The following AIRE variants were observed in gnomAD, a reference collection of about 807,000 sequenced individuals.
The protein encoded by AIRE is autoimmune regulator.
AIRE carries 52 observed loss-of-function variants against 62.1 expected under a neutral mutation model. The ratio of observed to expected loss-of-function variants is 0.84; its 90% confidence interval spans 0.67 to 1.06. The LOEUF is 1.06. Ranked by LOEUF, AIRE falls within the 50% of genes least tolerant of loss-of-function variation. The pLI is 0.00. For missense variants in AIRE, 774 were observed against 755.8 expected, an observed-to-expected ratio of 1.02 and a Z score of -0.28; for synonymous variants, 342 against 321.6, an observed-to-expected ratio of 1.06 and a Z score of -0.68.
chr21:44,298,040 G>A lies in AIRE; in HGVS notation c.*313G>A. On this transcript the variant is annotated 3_prime_UTR_variant, in exon 14 of 14. Coordinates refer to ENST00000291582, the MANE Select transcript of AIRE (RefSeq NM_000383.4). Reference sequence around the variant, plus strand: ...CCAGCTACATGGGAGCCTGAGGCATGAGAATCACTTGAACTCGGGAGGTGG... The same window carrying A: ...CCAGCTACATGGGAGCCTGAGGCATAAGAATCACTTGAACTCGGGAGGTGG... The A allele has an allele frequency of 5.1e-6, 2 of 393,602 alleles. No homozygotes were observed. The highest frequency in any genetic ancestry group is 9.7e-6 in the Non-Finnish European group (2 of 206,860). The allele number at this position is 393,602 out of a possible 1,614,324, so 24.4% of individuals were successfully genotyped here.
At position 44,295,272 on chromosome 21, in the gene AIRE, C is replaced by G. The variant is rs897116319; in HGVS notation, c.1503+769C>G. 5.3e-5 allele frequency among the ~76,000 whole-genome samples: 8 copies of G among 152,312 alleles called. No homozygotes were observed. In the East Asian group the frequency reaches 7.7e-4, roughly 15 times the overall value. On this transcript the variant is annotated intron_variant, in intron 12 of 13. Transcript: ENST00000291582. ...ATACACCGTGTGGGTGACAGGCCACCCCGGCGTGGTACTCCCCAGGAGGGT... is the reference window on the plus strand; with the variant it reads ...ATACACCGTGTGGGTGACAGGCCACGCCGGCGTGGTACTCCCCAGGAGGGT...
Position 44,289,981 on chromosome 21 carries a change from C to A in AIRE, c.799-7C>A. On this transcript the variant is annotated splice_region_variant and splice_polypyrimidine_tract_variant and intron_variant, in intron 6 of 13. Transcript: ENST00000291582. ...GCCCCCATTGCTGACGCCCCTCTTC[C>A]TTGCAGGGTGGAGGTGAGGCTAGGC... The A allele has an allele frequency of 6.2e-7, 1 of 1,610,680 alleles. No individual in the cohort carries two copies.
chr21:44,298,293 C>T lies in AIRE; in HGVS notation c.*566C>T, dbSNP rs1568932504. The T allele has an allele frequency of 1.1e-5, 2 of 177,320 alleles. No homozygotes were observed. The highest frequency in any genetic ancestry group is 2.3e-4 in the South Asian group (2 of 8,888). 11.0% of individuals were successfully genotyped at this position (177,320 alleles called of 1,614,324 possible). A position where few individuals can be genotyped will look rare whatever the true frequency, so the allele number is the denominator to read the frequency against. ...CTCTGGCCCCATGAAACACTCACTC[C>T]CCATTCCCCTCCCAACCCCTGGCAC... On this transcript the variant is annotated 3_prime_UTR_variant, in exon 14 of 14. Coordinates refer to ENST00000291582, the MANE Select transcript of AIRE (RefSeq NM_000383.4).
At chr21:44,290,283 T>C in intron 7 of AIRE, 1 of 985,470 alleles carries the variant, frequency 1.0e-6, no homozygotes, top group African/African-American at 1.7e-5. Context: ...TGAGGTCTTC[T>C]CAGGCTCTTA....
At chr21:44,288,575 T>C in intron 5 of AIRE, 117 bp downstream of exon 5, 1 of 734,858 alleles carries the variant, frequency 1.4e-6, no homozygotes. Flanking sequence ...GTTGCTCAGG[T>C]AGCCAGAGTT....
Position 44,286,119 on chromosome 21 carries a change from TC to T in AIRE, c.117del (p.Glu40ArgfsTer10), listed in dbSNP as rs1248788128. 1.9e-6 allele frequency: 3 copies of T among 1,546,940 alleles called. No individual in the cohort carries two copies. The highest frequency in any genetic ancestry group is 2.0e-5 in the Admixed American group (1 of 50,940). ...CACGCGCTGGCTGACCACGACGTGG[TC>T]CCCGAGGACAAGTTTCAGGTGGGCT... ...LLHALADHDV[V>X]PEDKFQETLH... On this transcript the variant is annotated frameshift_variant, in exon 1 of 14. Transcript: ENST00000291582. LOFTEE classifies it high-confidence loss of function. The surrounding 1 kb of genome is among the most constrained non-coding windows in gnomAD (Gnocchi z 6.0).
chr21:44,293,208 T>C, intron 10 of AIRE, 33 bp downstream of exon 10: 2 of 1,520,268 alleles, frequency 1.3e-6, no homozygotes, highest in South Asian at 2.4e-5. Context: ...GGTGGGCTCT[T>C]CAAGGAGCCC....
In AIRE at chr21:44,295,244, C is replaced by T. The variant is rs150352051; in HGVS notation, c.1503+741C>T. ...CTCTTTCCCAGCTGTGCCTCCGCCC[C>T]GTATACACCGTGTGGGTGACAGGCC... On this transcript the variant is annotated intron_variant, in intron 12 of 13. Coordinates refer to ENST00000291582, the MANE Select transcript of AIRE (RefSeq NM_000383.4). 4.0e-3 allele frequency among the ~76,000 whole-genome samples: 608 copies of T among 152,324 alleles called. 4 individuals carry two copies. The highest frequency in any genetic ancestry group is 0.014 in the Middle Eastern group (4 of 294).
rs755023009 is a variant in AIRE at position 44,297,753 on chromosome 21, C to G, written c.*26C>G. ...CCCCAGATGGCCGGGACATGCAGCT[C>G]TGATGAGAGAGTGCTGAGAAGGACA... On this transcript the variant is annotated 3_prime_UTR_variant, in exon 14 of 14. Coordinates refer to ENST00000291582, the MANE Select transcript of AIRE (RefSeq NM_000383.4). This position sits in a 1 kb window ranked among gnomAD's most constrained non-coding sequence, Gnocchi z 4.8. 32 of 1,594,106 alleles carry G rather than the reference C, an allele frequency of 2.0e-5. No individual in the cohort carries two copies. The highest frequency in any genetic ancestry group is 2.7e-5 in the Non-Finnish European group (31 of 1,163,540).
In AIRE at chr21:44,297,089, G is replaced by T. The variant is rs1299916312; in HGVS notation, c.1567-567G>T. On this transcript the variant is annotated intron_variant, in intron 13 of 13. Transcript: ENST00000291582. This position sits in a 1 kb window ranked among gnomAD's most constrained non-coding sequence, Gnocchi z 4.8. ...GTGCCCCACACACCCTGACCGTGCA[G>T]GTGTCTGCAGAGCCCCAGGGCCTGA... is the stretch of plus-strand genomic sequence containing the variant. Among the ~76,000 whole-genome samples, 1 of 152,210 alleles carries T rather than the reference G, an allele frequency of 6.6e-6. No individual in the cohort carries two copies. Among genetic ancestry groups the T allele is most frequent in the Non-Finnish European group, 1.5e-5 (1 of 68,018 alleles).
At position 44,286,155 on chromosome 21, in the gene AIRE, C is replaced by T. The variant is rs1234416509; in HGVS notation, c.132+17C>T. Reference sequence around the variant, plus strand: ...AAGTTTCAGGTGGGCTCCCCGCCCGCCCCCCGCTGCCCCCAGGCCCTGTGA... The same window carrying T: ...AAGTTTCAGGTGGGCTCCCCGCCCGTCCCCCGCTGCCCCCAGGCCCTGTGA... On this transcript the variant is annotated intron_variant, in intron 1 of 13. Coordinates refer to ENST00000291582, the MANE Select transcript of AIRE (RefSeq NM_000383.4). This position sits in a 1 kb window ranked among gnomAD's most constrained non-coding sequence, Gnocchi z 6.0. 8 of 1,538,390 alleles carry T rather than the reference C, an allele frequency of 5.2e-6. No homozygotes were observed. The highest frequency in any genetic ancestry group is 7.0e-6 in the Non-Finnish European group (8 of 1,141,572).
rs1601973101 is a variant in AIRE, at chr21:44,297,655, G to A, written c.1567-1G>A. ...GTTCTCACCGTCACTCTGTCCCGCA[G>A]CACACCTTCGATGGCATCCTGCAGT... On this transcript the variant is annotated splice_acceptor_variant, in intron 13 of 13. Transcript: ENST00000291582. LOFTEE classifies it high-confidence loss of function. The surrounding 1 kb of genome is among the most constrained non-coding windows in gnomAD (Gnocchi z 4.8). 6.2e-7 allele frequency: 1 copy of A among 1,611,660 alleles called. No individual in the cohort carries two copies. The highest frequency in any genetic ancestry group is 8.5e-7 in the Non-Finnish European group (1 of 1,179,454).
Position 44,286,526 on chromosome 21 carries a change from T to C in AIRE, c.133-31T>C. 1.9e-6 allele frequency: 3 copies of C among 1,596,850 alleles called. No individual in the cohort carries two copies. Among genetic ancestry groups the C allele is most frequent in the South Asian group, 1.1e-5 (1 of 89,928 alleles). On this transcript the variant is annotated intron_variant, in intron 1 of 13. Transcript: ENST00000291582. This position sits in a 1 kb window ranked among gnomAD's most constrained non-coding sequence, Gnocchi z 6.0. ...GCAGGCCGCAGGGTGTGGGGGACCA[T>C]GGCAGGGACCCTCATGCCACCCCAC...
In AIRE at chr21:44,288,366, C is replaced by T. The variant is rs143952576; in HGVS notation, c.560C>T (p.Ser187Leu). 1.9e-4 allele frequency: 307 copies of T among 1,611,676 alleles called. No homozygotes were observed. The highest frequency in any genetic ancestry group is 2.4e-4 in the Non-Finnish European group (278 of 1,178,802). The change falls in exon 5 of 14, where the codon TCA becomes TTA. Residue 187 changes from serine to leucine, a missense_variant. Coordinates refer to ENST00000291582, the MANE Select transcript of AIRE (RefSeq NM_000383.4). ...LGNGIQTMSA[S>L]VQRAVAMSSG... ...CCAGGGATTCAGACCATGTCAGCTT[C>T]AGTCCAGAGAGCTGTGGCCATGTCC...
chr21:44,286,196 C>T lies in AIRE; in HGVS notation c.132+58C>T, dbSNP rs1783490151. ...GGCCCTGTGAGCCAGGGATAGTCCC[C>T]GGGGAAGTTCCAGGAGGACCCCGCC... is the stretch of plus-strand genomic sequence containing the variant. On this transcript the variant is annotated intron_variant, in intron 1 of 13. Coordinates refer to ENST00000291582, the MANE Select transcript of AIRE (RefSeq NM_000383.4). The surrounding 1 kb of genome is among the most constrained non-coding windows in gnomAD (Gnocchi z 6.0). The T allele has an allele frequency of 1.4e-5, 21 of 1,521,330 alleles. No individual in the cohort carries two copies. The highest frequency in any genetic ancestry group is 1.7e-5 in the Non-Finnish European group (19 of 1,129,446). 94.2% of individuals were successfully genotyped at this position (1,521,330 alleles called of 1,614,324 possible).
Position 44,289,801 on chromosome 21 carries a change from C to T in AIRE, c.797C>T (p.Pro266Leu), listed in dbSNP as rs768948581. 1 of 1,612,592 alleles carries T rather than the reference C, an allele frequency of 6.2e-7. No individual in the cohort carries two copies. The highest frequency in any genetic ancestry group is 8.5e-7 in the Non-Finnish European group (1 of 1,179,946). Residue 266 changes from proline to leucine, a missense_variant and splice_region_variant, in exon 6 of 14, where the codon CCC becomes CTC. Around this residue, in one of 3 missense-constraint regions of AIRE, gnomAD observed 385 missense variants for 396.0 expected, o/e 0.97. Transcript: ENST00000291582. The stretch of plus-strand genomic sequence containing the variant: ...GCCAAGGGAGCCCAGGGCGCTGCCC[C>T]CGTAAGCACCTGACCTTCCCTGGGG... The part of the protein sequence containing the change: ...VRAKGAQGAA[P>L]GGGEARLGQQ...
chr21:44,297,762 G>GAGTGCTGA lies in AIRE; in HGVS notation c.*36_*43dup. On this transcript the variant is annotated 3_prime_UTR_variant, in exon 14 of 14. Coordinates refer to ENST00000291582, the MANE Select transcript of AIRE (RefSeq NM_000383.4). This position sits in a 1 kb window ranked among gnomAD's most constrained non-coding sequence, Gnocchi z 4.8. ...GCCGGGACATGCAGCTCTGATGAGA[G>GAGTGCTGA]AGTGCTGAGAAGGACACCTCCTTCC... The GAGTGCTGA allele has an allele frequency of 6.3e-7, 1 of 1,582,292 alleles. No homozygotes were observed. Among genetic ancestry groups the GAGTGCTGA allele is most frequent in the Non-Finnish European group, 8.7e-7 (1 of 1,153,190 alleles).
In AIRE at chr21:44,291,186, C is replaced by A; in HGVS notation, c.971C>A (p.Ser324Tyr). 1 of 1,601,414 alleles carries A rather than the reference C, an allele frequency of 6.2e-7. No individual in the cohort carries two copies. ...CGGGCCTTCCACCTGGCCTGCCTGT[C>A]CCCTCCGCTCCGGGAGATCCCCAGG... ...CPRAFHLACL[S>Y]PPLREIPSGT... Residue 324 changes from serine to tyrosine, a missense_variant, in exon 8 of 14, where the codon TCC becomes TAC. By Grantham distance (144) the Ser-to-Tyr change is moderately radical (BLOSUM62 -2). Transcript: ENST00000291582.
In AIRE at chr21:44,291,260, G is replaced by A. The variant is rs766114406; in HGVS notation, c.995+50G>A. On this transcript the variant is annotated intron_variant, in intron 8 of 13. Transcript: ENST00000291582. ...AACCAGGCCACCCCGGTTCACGGCC[G>A]CCTCCACCCACTGACCCTGAAGGGA... The A allele has an allele frequency of 1.9e-5, 30 of 1,588,340 alleles. No homozygotes were observed. In the East Asian group the frequency reaches 2.5e-4, roughly 13 times the overall value.
Sources: allele counts gnomAD v4.1 joint callset (sites outside exome capture counted in the v4.1 genomes callset), GRCh38; gene constraint gnomAD v4.1.1; regional missense constraint gnomAD v4.1.1; non-coding constraint Gnocchi (gnomAD v3.1); transcripts MANE v1.5; gene names NCBI Gene and HGNC (gene_info 2026-07-23, HGNC 2026-07-21).